The following FBXO4 variants were observed in gnomAD, a reference collection of about 807,000 sequenced individuals.
The protein encoded by FBXO4 is F-box only protein 4.
A neutral mutation model predicts 43.7 loss-of-function variants in FBXO4; 36 were observed. The ratio of observed to expected loss-of-function variants is 0.82; its 90% CI spans 0.63 to 1.09. FBXO4 has a LOEUF of 1.09. Among genes scored for constraint, FBXO4 ranks in the 50% least tolerant of loss-of-function variants. The pLI is 0.00. For missense variants in FBXO4, 435 were observed against 474.1 expected, an observed-to-expected ratio of 0.92 and a Z score of 0.77; for synonymous variants, 180 against 165.6, an observed-to-expected ratio of 1.09 and a Z score of -0.67.
At chr5:41,950,189 G>A in the FBXO4 span, among the ~76,000 whole-genome samples, 1 of 151,968 alleles carries the variant, frequency 6.6e-6, no homozygotes, top group Non-Finnish European at 1.5e-5. Context: ...CAAAAGCAAT[G>A]GCAACAAAAG....
chr5:42,024,415 T>C, the FBXO4 span, among the ~76,000 whole-genome samples: 1 of 152,052 alleles, frequency 6.6e-6, no homozygotes, highest in African/African-American at 2.4e-5. Context: ...ATATGTTCTT[T>C]TTAATTTTTG....
chr5:41,958,003 T>C, the FBXO4 span, among the ~76,000 whole-genome samples: 365 of 152,262 alleles, frequency 2.4e-3, 2 homozygotes, highest in Non-Finnish European at 4.1e-3. Flanking sequence ...TATATGCTTA[T>C]GGGGCACAAT....
the FBXO4 span, among the ~76,000 whole-genome samples, chr5:42,006,193 C>T: frequency 6.6e-6 from 1 of 152,078 alleles, no homozygotes; most frequent in African/African-American, 2.4e-5. Context: ...ACATTTCTAT[C>T]ATCTCACTAG....
the FBXO4 span, among the ~76,000 whole-genome samples, chr5:41,974,978 G>T: frequency 6.6e-6 from 1 of 152,168 alleles, no homozygotes; most frequent in East Asian, 1.9e-4. Flanking sequence ...TGAGTTTGAA[G>T]TGTGTTTCTG....
chr5:42,001,965 G>A, the FBXO4 span, among the ~76,000 whole-genome samples: 1 of 152,186 alleles, frequency 6.6e-6, no homozygotes, highest in Non-Finnish European at 1.5e-5. Context: ...CCAAAGTGCT[G>A]ATAACAGGCG....
chr5:42,006,476 A>G, the FBXO4 span, among the ~76,000 whole-genome samples: 1 of 152,222 alleles, frequency 6.6e-6, no homozygotes, highest in East Asian at 1.9e-4. Flanking sequence ...GTAACATACT[A>G]TGATCTAAAC....
At chr5:41,946,157 C>A (rs1034531411), downstream of FBXO4, among the ~76,000 whole-genome samples, 2 of 152,194 alleles carry the variant, frequency 1.3e-5, no homozygotes, top group East Asian at 1.9e-4. Context: ...GGTGGTGACA[C>A]CCCTGGACCC....
intron 5 of FBXO4, among the ~76,000 whole-genome samples, chr5:41,938,742 G>A (rs1006057372): frequency 3.9e-5 from 6 of 152,116 alleles, no homozygotes; most frequent in African/African-American, 1.4e-4. Flanking sequence ...CAAGTTATTA[G>A]CTGAATTCAG....
At chr5:41,998,700 T>C in the FBXO4 span, among the ~76,000 whole-genome samples, 1 of 152,158 alleles carries the variant, frequency 6.6e-6, no homozygotes, top group South Asian at 2.1e-4. Context: ...CTACTGGGGA[T>C]GGGGAAGCTA....
intron 5 of FBXO4, chr5:41,934,617 G>A: frequency 6.3e-6 from 8 of 1,271,340 alleles, no homozygotes; most frequent in African/African-American, 1.5e-5. Flanking sequence ...GCATTCCAAA[G>A]TTTGGTACTA....
chr5:42,013,450 T>C, the FBXO4 span, among the ~76,000 whole-genome samples: 1 of 152,212 alleles, frequency 6.6e-6, no homozygotes, highest in Non-Finnish European at 1.5e-5. Context: ...TTGGCTAATA[T>C]TTTTATCAAG....
At chr5:41,983,412 TTTTCTGTCAACTTTATCA>T in the FBXO4 span, among the ~76,000 whole-genome samples, 2 of 148,806 alleles carry the variant, frequency 1.3e-5, no homozygotes, top group African/African-American at 2.4e-5. Context: ...AACTTTAGCA[TTTTCTGTCAACTTTATCA>T]TTTCTGTCAA....
chr5:41,930,040 G>A, intron 3 of FBXO4, 123 bp downstream of exon 3: 1 of 769,806 alleles, frequency 1.3e-6, no homozygotes, highest in Non-Finnish European at 2.0e-6. Context: ...TTGGTTGTTG[G>A]GAGCCCTACC....
the FBXO4 span, chr5:41,967,272 G>A: frequency 4.3e-5 from 20 of 467,068 alleles, no homozygotes; most frequent in Non-Finnish European, 7.7e-5. Context: ...TCCAGAAACT[G>A]GAGTGATATA....
At chr5:41,966,360 T>G in the FBXO4 span, among the ~76,000 whole-genome samples, 1 of 152,134 alleles carries the variant, frequency 6.6e-6, no homozygotes, top group Non-Finnish European at 1.5e-5. Flanking sequence ...TATACAGATA[T>G]TCCCTAACAA....
chr5:42,034,326 T>C, the FBXO4 span, among the ~76,000 whole-genome samples: 1 of 152,214 alleles, frequency 6.6e-6, no homozygotes, highest in Non-Finnish European at 1.5e-5. Context: ...CTGTTCACTC[T>C]GATGATAGCT....
At chr5:42,029,811 T>A in the FBXO4 span, among the ~76,000 whole-genome samples, 1 of 152,062 alleles carries the variant, frequency 6.6e-6, no homozygotes, top group Non-Finnish European at 1.5e-5. Context: ...TTCTTTTAAA[T>A]TATTTTAATC....
At chr5:41,926,892 TTA>T (rs1751521096) in intron 1 of FBXO4, 119 bp from the exon 2 acceptor site, 2 of 565,724 alleles carry the variant, frequency 3.5e-6, no homozygotes, top group Admixed American at 7.1e-5. Flanking sequence ...AATGGTAGAT[TTA>T]GTTATTAAAA....
At chr5:41,930,469 AG>A (rs1751652587) in intron 3 of FBXO4, among the ~76,000 whole-genome samples, 1 of 152,222 alleles carries the variant, frequency 6.6e-6, no homozygotes, top group African/African-American at 2.4e-5. Context: ...AGATAGGTGT[AG>A]GTGAGGACAT....
Sources: allele counts gnomAD v4.1 joint callset (sites outside exome capture counted in the v4.1 genomes callset), GRCh38; gene constraint gnomAD v4.1.1; transcripts MANE v1.5; gene names NCBI Gene and HGNC (gene_info 2026-07-23, HGNC 2026-07-21).